The following PDE4D variants were observed in gnomAD, a reference collection of about 807,000 sequenced individuals.
PDE4D encodes 3',5'-cyclic-AMP phosphodiesterase 4D.
PDE4D carries 24 observed loss-of-function variants against 87.4 expected under a neutral mutation model. That is an observed-to-expected ratio of 0.27 (90% CI 0.20 to 0.39). The LOEUF is 0.39. Ranked by LOEUF, PDE4D falls within the 10% of genes least tolerant of loss-of-function variation. The pLI is 1.00. For synonymous variants in PDE4D, 384 were observed against 383.2 expected (o/e 1.00, Z -0.02); for missense variants, 714 against 1,041.0 (o/e 0.69, Z 4.32).
At chr5:59,009,579 A>G (rs10056526) in intron 6 of PDE4D, among the ~76,000 whole-genome samples, 15,291 of 152,102 alleles carry the variant, frequency 0.1, 1,016 homozygotes, top group Non-Finnish European at 0.13. Flanking sequence ...TCAGCACTGG[A>G]CGTGGGGTTT....
intron 1 of PDE4D, among the ~76,000 whole-genome samples, chr5:59,256,348 G>T (rs981682112): frequency 2.6e-5 from 4 of 152,032 alleles, no homozygotes; most frequent in African/African-American, 9.7e-5. Context: ...AGTTGAGAAA[G>T]AGAAGCCTCC....
Position 59,932,181 on chromosome 5 carries a change from T to C in PDE4D, c.272+56307A>G, listed in dbSNP as rs75542588. On this transcript the variant is annotated intron_variant, in intron 3 of 16. Coordinates refer to the PDE4D transcript ENST00000502484. ...ATAGCCATCACGACTTTTATGATAG[T>C]ATAAATAGAAAATAGGATTTTTATA... 3.1e-3 allele frequency among the ~76,000 whole-genome samples: 465 copies of C among 152,334 alleles called. 6 individuals are homozygous for C. Among genetic ancestry groups the C allele is most frequent in the African/African-American group, 0.011 (443 of 41,566 alleles).
At chr5:59,771,483 A>AAGAGAGAG (rs1175904019) in intron 1 of PDE4D, among the ~76,000 whole-genome samples, 5 of 54,402 alleles carry the variant, frequency 9.2e-5, no homozygotes, top group South Asian at 7.3e-4. Context: ...GAAAGAAAGA[A>AAGAGAGAG]AGAGAGAGAG....
At chr5:59,668,259 T>C (rs902744401) in intron 1 of PDE4D, among the ~76,000 whole-genome samples, 2 of 152,234 alleles carry the variant, frequency 1.3e-5, no homozygotes, top group Non-Finnish European at 2.9e-5. Context: ...GAGATGAATA[T>C]GTAAAAGCAA....
At chr5:59,994,143 C>G (rs1680120122) in intron 2 of PDE4D, among the ~76,000 whole-genome samples, 1 of 151,684 alleles carries the variant, frequency 6.6e-6, no homozygotes, top group South Asian at 2.1e-4. Flanking sequence ...CAATAAACTA[C>G]TTAATGGCCT....
intron 5 of PDE4D, among the ~76,000 whole-genome samples, chr5:59,057,918 C>T (rs1762590353): frequency 6.6e-6 from 1 of 152,088 alleles, no homozygotes; most frequent in Non-Finnish European, 1.5e-5. Flanking sequence ...TCCAGGGCTC[C>T]TTGTAGAGAT....
chr5:60,502,158 C>G (rs1241062054), intron 1 of PDE4D, among the ~76,000 whole-genome samples: 1 of 151,926 alleles, frequency 6.6e-6, no homozygotes, highest in Non-Finnish European at 1.5e-5. Flanking sequence ...AGTCTTTAAT[C>G]CATCTTGAAT....
At chr5:59,217,576 A>T (rs10056619) in intron 1 of PDE4D, among the ~76,000 whole-genome samples, 17,166 of 152,136 alleles carry the variant, frequency 0.11, 1,094 homozygotes, top group Middle Eastern at 0.17. Flanking sequence ...CTCTTTATAG[A>T]TATATTTATT....
intron 1 of PDE4D, chr5:60,460,789 G>C: frequency 1.7e-6 from 1 of 575,066 alleles, no homozygotes; most frequent in Non-Finnish European, 3.1e-6. Context: ...TGCTCATCCG[G>C]AAGCAGGCAG....
chr5:60,264,605 G>A (rs889177365), intron 1 of PDE4D, among the ~76,000 whole-genome samples: 1 of 152,212 alleles, frequency 6.6e-6, no homozygotes, highest in Non-Finnish European at 1.5e-5. Context: ...AGTACAGTTG[G>A]TTGCCAAATT....
intron 1 of PDE4D, among the ~76,000 whole-genome samples, chr5:60,332,907 A>T (rs188200942): frequency 6.6e-6 from 1 of 152,320 alleles, no homozygotes; most frequent in East Asian, 1.9e-4. Context: ...TGAGATCAGG[A>T]ATTATAATTC....
intron 2 of PDE4D, among the ~76,000 whole-genome samples, chr5:60,050,511 G>C (rs920592977): frequency 6.6e-6 from 1 of 152,170 alleles, no homozygotes; most frequent in African/African-American, 2.4e-5. Context: ...CACCAGGCCT[G>C]CCTTACAAGA....
intron 1 of PDE4D, among the ~76,000 whole-genome samples, chr5:60,331,356 A>C (rs527279164): frequency 6.6e-6 from 1 of 152,210 alleles, no homozygotes; most frequent in African/African-American, 2.4e-5. Flanking sequence ...AACGCACCTA[A>C]GAAAAGCCCT....
At chr5:60,041,365 C>T (rs1224502472) in intron 2 of PDE4D, among the ~76,000 whole-genome samples, 1 of 152,156 alleles carries the variant, frequency 6.6e-6, no homozygotes, top group Admixed American at 6.5e-5. Context: ...TGAGACGAAG[C>T]CACACACAGA....
At chr5:59,368,974 C>G (rs772006004) in intron 1 of PDE4D, among the ~76,000 whole-genome samples, 1 of 152,160 alleles carries the variant, frequency 6.6e-6, no homozygotes, top group African/African-American at 2.4e-5. Flanking sequence ...CCTCCATAAC[C>G]GCTACAAGGT....
chr5:59,842,554 A>T (rs1283387917), intron 1 of PDE4D, among the ~76,000 whole-genome samples: 1 of 152,002 alleles, frequency 6.6e-6, no homozygotes, highest in African/African-American at 2.4e-5. Flanking sequence ...ATTTCCTAGA[A>T]ATTTTACAAT....
intron 1 of PDE4D, among the ~76,000 whole-genome samples, chr5:59,715,178 C>A (rs896412124): frequency 2.6e-5 from 4 of 152,224 alleles, no homozygotes; most frequent in South Asian, 2.1e-4. Flanking sequence ...TTGATAACAA[C>A]CCCCCGGACT....
intron 6 of PDE4D, among the ~76,000 whole-genome samples, chr5:58,996,212 A>G (rs1197626912): frequency 6.6e-6 from 1 of 152,136 alleles, no homozygotes; most frequent in East Asian, 1.9e-4. Context: ...GCAGCAAACG[A>G]CCATGGCATG....
chr5:60,511,661 T>C (rs954177942), intron 1 of PDE4D, among the ~76,000 whole-genome samples: 1 of 151,880 alleles, frequency 6.6e-6, no homozygotes, highest in African/African-American at 2.4e-5. Flanking sequence ...AACTAATGCT[T>C]AGAAAGTTGG....
Sources: gnomAD v4.1 joint callset for allele counts (sites outside exome capture counted in the v4.1 genomes callset) on GRCh38, gnomAD v4.1.1 for gene constraint, MANE v1.5 for transcripts, NCBI Gene and HGNC (gene_info 2026-07-23, HGNC 2026-07-21) for gene names.